The following WFDC10B variants were observed in gnomAD, a reference collection of about 807,000 sequenced individuals.
The protein encoded by WFDC10B is protein WFDC10B.
In WFDC10B, 1 loss-of-function variant was observed where a neutral mutation model predicts 2.7. The ratio of observed to expected loss-of-function variants is 0.38; its 90% CI spans 0.13 to 1.79. The LOEUF (loss-of-function observed/expected upper bound fraction) is 1.79, where lower values mean the gene tolerates loss of function less well. WFDC10B is among the 40% of genes most tolerant of loss of function. The probability of loss-of-function intolerance (pLI) is 0.33; values close to 1 mark genes in which losing one functional copy is unlikely to be tolerated. For synonymous variants in WFDC10B, 26 were observed against 32.2 expected, an observed-to-expected ratio of 0.81 and a Z score of 0.65; for missense variants, 71 against 87.8, an observed-to-expected ratio of 0.81 and a Z score of 0.76.
intron 2 of WFDC10B, among the ~76,000 whole-genome samples, chr20:45,699,950 T>C (rs1984099392): frequency 6.6e-6 from 1 of 152,236 alleles, no homozygotes; most frequent in African/African-American, 2.4e-5. Flanking sequence ...GTGCTGGGAT[T>C]ACAGGCGTGA....
At chr20:45,702,312 C>A in intron 2 of WFDC10B, 1 of 1,213,754 alleles carries the variant, frequency 8.2e-7, no homozygotes. Context: ...AATACCGTGT[C>A]ATGTTCAAGG....
At chr20:45,695,796 G>T (rs993912034) in intron 2 of WFDC10B, among the ~76,000 whole-genome samples, 2 of 151,340 alleles carry the variant, frequency 1.3e-5, no homozygotes, top group African/African-American at 4.9e-5. Flanking sequence ...GACCAGCCTG[G>T]CAACATAAAA....
chr20:45,697,198 CCAG>C lies in WFDC10B; in HGVS notation c.-65+7296_-65+7298del, dbSNP rs572360196. Among the ~76,000 whole-genome samples, 19 of 152,070 alleles carry C rather than the reference CCAG, an allele frequency of 1.2e-4. No homozygotes were observed. In the South Asian group the frequency reaches 3.9e-3, roughly 32 times the overall value. On this transcript the variant is annotated intron_variant, in intron 2 of 3. Transcript: ENST00000330523. ...ACTATCTCAGCTGTTTTTGTAAACA[CCAG>C]CAATGAGCAATCCAAAAAGGAAATT... is the stretch of plus-strand genomic sequence containing the variant.
At chr20:45,700,162 G>A (rs1984108468) in intron 2 of WFDC10B, among the ~76,000 whole-genome samples, 1 of 152,200 alleles carries the variant, frequency 6.6e-6, no homozygotes, top group South Asian at 2.1e-4. Flanking sequence ...GTCAAATGCA[G>A]CTGTAATAGA....
At position 45,690,267 on chromosome 20, in the gene WFDC10B, T is replaced by G. The variant is rs1189059526; in HGVS notation, c.-64-4211A>C. ...TAGTATTTTATTGAGGATTTTTGCATCAATGTTCATCAAGGATATTGGTCT... is the reference window on the plus strand; with the variant it reads ...TAGTATTTTATTGAGGATTTTTGCAGCAATGTTCATCAAGGATATTGGTCT... On this transcript the variant is annotated intron_variant, in intron 2 of 3. Coordinates refer to ENST00000330523, the MANE Select transcript of WFDC10B (RefSeq NM_172006.2). Among the ~76,000 whole-genome samples, 3 of 150,464 alleles carry G rather than the reference T, an allele frequency of 2.0e-5. No homozygotes were observed. The East Asian group carries it at 5.9e-4, about 30-fold the overall frequency.
chr20:45,704,782 C>A (rs752354811), intron 1 of WFDC10B, 136 bp downstream of exon 1: 63 of 1,290,692 alleles, frequency 4.9e-5, no homozygotes, highest in Non-Finnish European at 6.5e-5. Flanking sequence ...AAAAGCCCTC[C>A]TCCCCTCCCA....
chr20:45,685,793 G>A (rs773709092), intron 3 of WFDC10B, 109 bp downstream of exon 3: 1 of 1,504,254 alleles, frequency 6.6e-7, no homozygotes, highest in East Asian at 2.5e-5. Flanking sequence ...TGTGGTCAGA[G>A]CTGGATATGC....
chr20:45,703,539 C>T (rs1363045616), intron 2 of WFDC10B, among the ~76,000 whole-genome samples: 1 of 152,076 alleles, frequency 6.6e-6, no homozygotes, highest in Non-Finnish European at 1.5e-5. Context: ...TGACTTTTGC[C>T]CCCAAAGAAA....
chr20:45,697,262 G>C (rs1333534181), intron 2 of WFDC10B, among the ~76,000 whole-genome samples: 1 of 151,820 alleles, frequency 6.6e-6, no homozygotes, highest in Non-Finnish European at 1.5e-5. Context: ...GCTATGAAAG[G>C]ATAAAATACC....
At chr20:45,699,309 C>G (rs1430412766) in intron 2 of WFDC10B, among the ~76,000 whole-genome samples, 1 of 152,034 alleles carries the variant, frequency 6.6e-6, no homozygotes, top group Non-Finnish European at 1.5e-5. Context: ...AATATATACT[C>G]AAAAAAATAT....
intron 2 of WFDC10B, among the ~76,000 whole-genome samples, chr20:45,699,526 A>G (rs1340350626): frequency 2.6e-5 from 4 of 152,200 alleles, no homozygotes; most frequent in Non-Finnish European, 2.9e-5. Context: ...TTCCTACCCA[A>G]TTGTTTTGGA....
At chr20:45,688,595 A>G (rs1983706735) in intron 2 of WFDC10B, among the ~76,000 whole-genome samples, 2 of 152,118 alleles carry the variant, frequency 1.3e-5, no homozygotes, top group Admixed American at 6.5e-5. Flanking sequence ...ATGGCCAGTG[A>G]TGGTGAGCAT....
At chr20:45,704,099 A>T (rs542810999) in intron 2 of WFDC10B, among the ~76,000 whole-genome samples, 3 of 152,346 alleles carry the variant, frequency 2.0e-5, no homozygotes, top group East Asian at 3.9e-4. Context: ...CAGAACGAAC[A>T]TACAAACCTC....
intron 2 of WFDC10B, among the ~76,000 whole-genome samples, chr20:45,698,148 G>A (rs540366351): frequency 6.6e-6 from 1 of 152,170 alleles, no homozygotes; most frequent in East Asian, 1.9e-4. Flanking sequence ...CCCATTTTGT[G>A]CGTTCTGAGT....
intron 2 of WFDC10B, among the ~76,000 whole-genome samples, chr20:45,691,526 T>G (rs935197055): frequency 1.5e-4 from 22 of 151,274 alleles, no homozygotes; most frequent in African/African-American, 5.1e-4. Flanking sequence ...TGCTCCTGTA[T>G]TGGGCGCATA....
intron 2 of WFDC10B, among the ~76,000 whole-genome samples, chr20:45,701,604 A>G (rs1428856636): frequency 6.6e-6 from 1 of 151,990 alleles, no homozygotes; most frequent in Admixed American, 6.6e-5. Flanking sequence ...TCTACTAAAA[A>G]TACAAAAATT....
intron 2 of WFDC10B, among the ~76,000 whole-genome samples, chr20:45,699,598 CATT>C (rs771288745): frequency 6.6e-6 from 1 of 152,210 alleles, no homozygotes; most frequent in African/African-American, 2.4e-5. Flanking sequence ...TGCACAGTCA[CATT>C]GTTGGTGGCA....
At chr20:45,700,505 C>G (rs1180779124) in intron 2 of WFDC10B, among the ~76,000 whole-genome samples, 1 of 152,084 alleles carries the variant, frequency 6.6e-6, no homozygotes, top group Non-Finnish European at 1.5e-5. Context: ...TCAATGATCA[C>G]CTTATATTAC....
intron 2 of WFDC10B, among the ~76,000 whole-genome samples, chr20:45,693,919 A>G (rs1221437336): frequency 6.6e-6 from 1 of 152,190 alleles, no homozygotes; most frequent in Non-Finnish European, 1.5e-5. Context: ...CGTCCTCTTC[A>G]TCGCTCACGC....
Sources: allele counts gnomAD v4.1 joint callset (sites outside exome capture counted in the v4.1 genomes callset), GRCh38; gene constraint gnomAD v4.1.1; transcripts MANE v1.5; gene names NCBI Gene and HGNC (gene_info 2026-07-23, HGNC 2026-07-21).